The following MGAT5 variants were observed in gnomAD, a reference collection of about 807,000 sequenced individuals.
The protein encoded by MGAT5 is alpha-1,6-mannosylglycoprotein 6-beta-N-acetylglucosaminyltransferase.
MGAT5 carries 30 observed loss-of-function variants against 94.3 expected under a neutral mutation model. The observed-to-expected ratio is 0.32, with a 90% CI of 0.24 to 0.43. MGAT5 has a LOEUF of 0.43. MGAT5 is among the 20% of genes least tolerant of loss of function. The pLI is 1.00. For synonymous variants in MGAT5, 310 were observed against 322.9 expected (o/e 0.96, Z 0.43); for missense variants, 691 against 905.5 (o/e 0.76, Z 3.04).
At chr2:134,192,207 G>A (rs1679258532) in intron 1 of MGAT5, among the ~76,000 whole-genome samples, 2 of 151,908 alleles carry the variant, frequency 1.3e-5, no homozygotes, top group Admixed American at 6.5e-5. Flanking sequence ...TCTTCTGCTT[G>A]CGCGAGCGGG....
intron 1 of MGAT5, among the ~76,000 whole-genome samples, chr2:134,182,819 C>T (rs1688809823): frequency 1.4e-5 from 2 of 141,906 alleles, no homozygotes; most frequent in African/African-American, 2.7e-5. Flanking sequence ...CAGAGTCTCC[C>T]TTTGTCGCCC....
intron 1 of MGAT5, among the ~76,000 whole-genome samples, chr2:134,191,942 C>T (rs1203422274): frequency 2.8e-5 from 4 of 143,974 alleles, no homozygotes; most frequent in South Asian, 2.2e-4. Flanking sequence ...AGGGTGGATT[C>T]GTGCCCTCCT....
intron 1 of MGAT5, among the ~76,000 whole-genome samples, chr2:134,189,030 T>C (rs1341743634): frequency 6.6e-6 from 1 of 152,218 alleles, no homozygotes; most frequent in Admixed American, 6.5e-5. Context: ...CTCCTGTGTC[T>C]TGTCCCTTGG....
At chr2:134,135,477 AG>A (rs1257932496) in intron 1 of MGAT5, among the ~76,000 whole-genome samples, 1 of 151,836 alleles carries the variant, frequency 6.6e-6, no homozygotes, top group Non-Finnish European at 1.5e-5. Context: ...GCGGATCACG[AG>A]GTCAAGAGAT....
chr2:134,454,437 T>TCAAA lies in MGAT5; in HGVS notation c.*5593_*5596dup, dbSNP rs762523584. On this transcript the variant is annotated 3_prime_UTR_variant, in exon 16 of 16. Coordinates refer to ENST00000281923, the MANE Select transcript of MGAT5 (RefSeq NM_002410.5). The stretch of plus-strand genomic sequence containing the variant: ...CTAATGGCCGTTTGCATCTGTGTCT[T>TCAAA]CAAACAGATCCTGGTTACAGCCATT... The TCAAA allele has an allele frequency of 2.6e-5, 4 of 152,346 alleles. No homozygotes were observed. The highest frequency in any genetic ancestry group is 2.9e-5 in the Non-Finnish European group (2 of 68,030). The allele number at this position is 152,346 out of a possible 1,614,324, so 9.4% of individuals were successfully genotyped here. A position where few individuals can be genotyped will look rare whatever the true frequency, so the allele number is the denominator to read the frequency against.
At chr2:134,204,228 A>G (rs1160887941) in intron 1 of MGAT5, among the ~76,000 whole-genome samples, 1 of 152,116 alleles carries the variant, frequency 6.6e-6, no homozygotes. Flanking sequence ...CTTTGGGAGG[A>G]TGGTGCAGTC....
At chr2:134,175,340 C>T (rs1194985852) in intron 1 of MGAT5, among the ~76,000 whole-genome samples, 1 of 152,144 alleles carries the variant, frequency 6.6e-6, no homozygotes, top group East Asian at 1.9e-4. Context: ...GTCTTATTAA[C>T]TTTGGAAGAT....
chr2:134,162,504 T>G (rs1687783449), intron 1 of MGAT5, among the ~76,000 whole-genome samples: 3 of 152,228 alleles, frequency 2.0e-5, no homozygotes, highest in African/African-American at 7.2e-5. Flanking sequence ...TTTAGGTATA[T>G]TCTCTCATTT....
chr2:134,438,161 A>G lies in MGAT5; in HGVS notation c.1870-3597A>G, dbSNP rs1685274561. Reference sequence around the variant, plus strand: ...GTACTTTAACTTTGTGTAATGCTCAAATGTATTTAAAATATTTTTAAAAAT... The same window carrying G: ...GTACTTTAACTTTGTGTAATGCTCAGATGTATTTAAAATATTTTTAAAAAT... On this transcript the variant is annotated intron_variant, in intron 14 of 15. Coordinates refer to ENST00000281923, the MANE Select transcript of MGAT5 (RefSeq NM_002410.5). Among the ~76,000 whole-genome samples, 3 of 152,210 alleles carry G rather than the reference A, an allele frequency of 2.0e-5. 1 individual carries two copies. In the South Asian group the frequency reaches 6.2e-4, roughly 32 times the overall value.
intron 11 of MGAT5, among the ~76,000 whole-genome samples, chr2:134,411,871 C>T (rs1418475014): frequency 6.6e-6 from 1 of 152,184 alleles, no homozygotes; most frequent in Non-Finnish European, 1.5e-5. Flanking sequence ...AAGGTAAGGA[C>T]GCCCTGGGGC....
chr2:134,152,558 G>A (rs193163210), intron 1 of MGAT5, among the ~76,000 whole-genome samples: 1 of 152,354 alleles, frequency 6.6e-6, no homozygotes, highest in East Asian at 1.9e-4. Context: ...ATGTTGCACT[G>A]CCAATCTTCC....
intron 10 of MGAT5, among the ~76,000 whole-genome samples, chr2:134,385,874 GT>G (rs1047113461): frequency 1.3e-5 from 2 of 152,060 alleles, no homozygotes; most frequent in African/African-American, 4.8e-5. Context: ...ATTTAGCAGG[GT>G]TTTTTTGTTT....
intron 1 of MGAT5, among the ~76,000 whole-genome samples, chr2:134,161,010 G>A (rs574849669): frequency 5.9e-5 from 9 of 152,350 alleles, no homozygotes; most frequent in African/African-American, 1.9e-4. Context: ...TGTGAGCCCC[G>A]CGGCAGGCTC....
intron 1 of MGAT5, among the ~76,000 whole-genome samples, chr2:134,152,527 A>G (rs888251772): frequency 2.0e-5 from 3 of 152,240 alleles, no homozygotes; most frequent in Non-Finnish European, 1.5e-5. Context: ...AGTCACTCAC[A>G]GCTCTTCTTT....
rs146502406 is a variant in MGAT5, at chr2:134,398,893, A to G, written c.1381-4095A>G. Among the ~76,000 whole-genome samples, 337 of 152,334 alleles carry G rather than the reference A, an allele frequency of 2.2e-3. 1 individual carries two copies. Among genetic ancestry groups the G allele is most frequent in the African/African-American group, 7.6e-3 (315 of 41,576 alleles). On this transcript the variant is annotated intron_variant, in intron 10 of 15. Coordinates refer to ENST00000281923, the MANE Select transcript of MGAT5 (RefSeq NM_002410.5). ...CCTCATGGAGGTAGAAAGTAGAATGACAGATACCAGAGGCTGGGAAAAGGG... is the reference window on the plus strand; with the variant it reads ...CCTCATGGAGGTAGAAAGTAGAATGGCAGATACCAGAGGCTGGGAAAAGGG...
intron 14 of MGAT5, among the ~76,000 whole-genome samples, chr2:134,439,914 A>T (rs1685390302): frequency 3.3e-5 from 5 of 152,124 alleles, no homozygotes; most frequent in Non-Finnish European, 7.4e-5. Flanking sequence ...GGCTTGCGTC[A>T]GTGCTAGGAG....
intron 2 of MGAT5, among the ~76,000 whole-genome samples, chr2:134,289,520 T>A (rs917495295): frequency 6.6e-6 from 1 of 152,232 alleles, no homozygotes; most frequent in African/African-American, 2.4e-5. Flanking sequence ...CCGAAAGTTG[T>A]CAGCGTAGCA....
At chr2:134,202,810 T>C (rs1679857308) in intron 1 of MGAT5, among the ~76,000 whole-genome samples, 1 of 152,172 alleles carries the variant, frequency 6.6e-6, no homozygotes, top group African/African-American at 2.4e-5. Context: ...AAGTCACAGA[T>C]AATGTAACCC....
At chr2:134,322,458 T>C (rs1296388998) in intron 4 of MGAT5, among the ~76,000 whole-genome samples, 2 of 152,192 alleles carry the variant, frequency 1.3e-5, no homozygotes, top group African/African-American at 4.8e-5. Flanking sequence ...ATCAAGCTAA[T>C]TAACATGTGC....
Sources: gnomAD v4.1 joint callset for allele counts (sites outside exome capture counted in the v4.1 genomes callset) on GRCh38, gnomAD v4.1.1 for gene constraint, MANE v1.5 for transcripts, NCBI Gene and HGNC (gene_info 2026-07-23, HGNC 2026-07-21) for gene names.